The following GTF2A1 variants were observed in gnomAD, a reference collection of about 807,000 sequenced individuals.
GTF2A1 encodes the protein transcription initiation factor IIA subunit 1.
Under a neutral mutation model 54.1 loss-of-function variants are expected in GTF2A1, and 12 were observed. The observed-to-expected ratio is 0.22, with a 90% CI of 0.14 to 0.36. The LOEUF is 0.36. Among genes scored for constraint, GTF2A1 ranks in the 10% least tolerant of loss-of-function variants. The pLI is 1.00. For synonymous variants in GTF2A1, 145 were observed against 152.0 expected (o/e 0.95, Z 0.34); for missense variants, 335 against 442.2 (o/e 0.76, Z 2.17).
intron 8 of GTF2A1, among the ~76,000 whole-genome samples, chr14:81,182,755 AGAGTAAG>A (rs1159693619): frequency 3.9e-5 from 6 of 152,224 alleles, no homozygotes; most frequent in Non-Finnish European, 8.8e-5. Context: ...GATTCACTTA[AGAGTAAG>A]AGCCATGTCC....
At chr14:81,216,537 T>C in intron 1 of GTF2A1, 23 bp from the exon 2 acceptor site, 1 of 1,087,228 alleles carries the variant, frequency 9.2e-7, no homozygotes. Context: ...AATAAAAGAC[T>C]TGAAAAAGAC....
chr14:81,218,354 C>T (rs1893533055), intron 1 of GTF2A1, among the ~76,000 whole-genome samples: 1 of 152,160 alleles, frequency 6.6e-6, no homozygotes, highest in Admixed American at 6.5e-5. Context: ...GAACTCACAA[C>T]TTGACCACTT....
chr14:81,201,744 C>CT, intron 3 of GTF2A1, 86 bp from the exon 4 acceptor site: 5 of 881,980 alleles, frequency 5.7e-6, no homozygotes, highest in Non-Finnish European at 9.4e-6. Flanking sequence ...ATGATGAAAA[C>CT]TTTTTTCATG....
In GTF2A1 at chr14:81,201,541, A is replaced by C. The variant is rs994871180; in HGVS notation, c.402+53T>G. 5 of 1,037,230 alleles carry C rather than the reference A, an allele frequency of 4.8e-6. No homozygotes were observed. The Admixed American group carries it at 5.3e-5, about 11-fold the overall frequency. 64.3% of individuals were successfully genotyped at this position (1,037,230 alleles called of 1,614,324 possible). A position where few individuals can be genotyped will look rare whatever the true frequency, so the allele number is the denominator to read the frequency against. Reference sequence around the variant, plus strand: ...TAGGACATATATAGGCATAATTACAATGTGGGTTAGAATTAAGTACAGCCA... The same window carrying C: ...TAGGACATATATAGGCATAATTACACTGTGGGTTAGAATTAAGTACAGCCA... On this transcript the variant is annotated intron_variant, in intron 4 of 8. Transcript: ENST00000553612.
intron 3 of GTF2A1, 115 bp from the exon 4 acceptor site, chr14:81,201,773 C>T: frequency 2.9e-6 from 2 of 698,980 alleles, no homozygotes; most frequent in Non-Finnish European, 5.1e-6. Flanking sequence ...GTTTTCTGCA[C>T]TCAAATGCTT....
intron 2 of GTF2A1, 110 bp from the exon 3 acceptor site, chr14:81,204,214 A>G (rs8006015): frequency 0.11 from 88,228 of 825,280 alleles, 5,434 homozygotes; most frequent in African/African-American, 0.2. Flanking sequence ...AAACTGATAC[A>G]GACACAGAAA....
intron 5 of GTF2A1, 180 bp downstream of exon 5, chr14:81,197,229 C>T: frequency 1.9e-6 from 1 of 515,774 alleles, no homozygotes; most frequent in Non-Finnish European, 3.6e-6. Flanking sequence ...TTTACTGTAT[C>T]CTCAACAACG....
intron 3 of GTF2A1, chr14:81,202,907 T>C: frequency 2.4e-6 from 1 of 409,592 alleles, no homozygotes; most frequent in Non-Finnish European, 4.8e-6. Context: ...TACCACTAGA[T>C]ATCAACAGTA....
intron 2 of GTF2A1, among the ~76,000 whole-genome samples, chr14:81,205,556 A>G (rs1893210840): frequency 2.0e-5 from 3 of 152,160 alleles, no homozygotes; most frequent in Admixed American, 2.0e-4. Context: ...ATCAAAATAT[A>G]TTATTATTGG....
intron 7 of GTF2A1, among the ~76,000 whole-genome samples, chr14:81,187,679 A>T (rs922094028): frequency 6.6e-6 from 1 of 152,254 alleles, no homozygotes; most frequent in Admixed American, 6.5e-5. Context: ...GTTGTAGCAT[A>T]TACGAATACT....
At chr14:81,191,682 A>C (rs1429260374) in intron 7 of GTF2A1, among the ~76,000 whole-genome samples, 1 of 152,194 alleles carries the variant, frequency 6.6e-6, no homozygotes, top group Admixed American at 6.5e-5. Flanking sequence ...AGGTACTTTG[A>C]TGGCCTAGGA....
chr14:81,201,639 A>G lies in GTF2A1; in HGVS notation c.357T>C (p.Ile119=). ...ASQQATAPQV[I]VPDSKLIQHM... ...GCTGTATCAACTTAGAATCTGGAACAATAACTTGTGGTGCTGTGGCTACAA... is the reference window on the plus strand; with the variant it reads ...GCTGTATCAACTTAGAATCTGGAACGATAACTTGTGGTGCTGTGGCTACAA... Residue 119 remains isoleucine (I), a synonymous_variant, in exon 4 of 9, where the codon ATT becomes ATC. Coordinates refer to ENST00000553612, the MANE Select transcript of GTF2A1 (RefSeq NM_015859.4). The G allele has an allele frequency of 2.5e-6, 4 of 1,610,868 alleles. No homozygotes were observed. Among genetic ancestry groups the G allele is most frequent in the Non-Finnish European group, 3.4e-6 (4 of 1,177,068 alleles).
intron 4 of GTF2A1, among the ~76,000 whole-genome samples, chr14:81,200,842 A>C (rs1245095738): frequency 6.7e-6 from 1 of 149,890 alleles, no homozygotes; most frequent in Non-Finnish European, 1.5e-5. Context: ...TTTATAAGGA[A>C]GTATTGAACT....
At chr14:81,190,545 G>C (rs909767408) in intron 7 of GTF2A1, among the ~76,000 whole-genome samples, 2 of 151,976 alleles carry the variant, frequency 1.3e-5, no homozygotes, top group Admixed American at 1.3e-4. Flanking sequence ...CATTACGTGA[G>C]AAATTATACA....
intron 1 of GTF2A1, among the ~76,000 whole-genome samples, chr14:81,218,801 T>C (rs1431811367): frequency 1.3e-5 from 2 of 150,726 alleles, no homozygotes; most frequent in African/African-American, 4.9e-5. Context: ...CTTAGATTTT[T>C]TTTTAATCTA....
Position 81,176,000 on chromosome 14 carries a change from T to C in GTF2A1, c.*4223A>G, listed in dbSNP as rs1417283107. On this transcript the variant is annotated 3_prime_UTR_variant, in exon 9 of 9. Coordinates refer to ENST00000553612, the MANE Select transcript of GTF2A1 (RefSeq NM_015859.4). ...AAATTGACATCTCAATCTACTTATC[T>C]TTAAGGTACAGAATTTAGCATCTTT... 6.6e-6 allele frequency: 1 copy of C among 152,178 alleles called. No homozygotes were observed. Among genetic ancestry groups the C allele is most frequent in the Non-Finnish European group, 1.5e-5 (1 of 67,994 alleles). The allele number at this position is 152,178 out of a possible 1,614,324, so 9.4% of individuals were successfully genotyped here.
chr14:81,207,747 C>T (rs531743405), intron 2 of GTF2A1, among the ~76,000 whole-genome samples: 5 of 152,204 alleles, frequency 3.3e-5, no homozygotes, highest in East Asian at 3.9e-4. Context: ...TCTCAGATGG[C>T]GATGAGGAAC....
intron 2 of GTF2A1, 156 bp from the exon 3 acceptor site, chr14:81,204,260 A>G (rs761626574): frequency 1.4e-5 from 11 of 767,800 alleles, no homozygotes; most frequent in Admixed American, 7.1e-5. Context: ...AAGTGAAACA[A>G]TAACAAAAAC....
chr14:81,192,323 T>C (rs1418943136), intron 7 of GTF2A1, among the ~76,000 whole-genome samples, 196 bp downstream of exon 7: 1 of 152,242 alleles, frequency 6.6e-6, no homozygotes, highest in Non-Finnish European at 1.5e-5. Context: ...ATGAAAGTTA[T>C]ATTTTATGAA....
Sources: allele counts gnomAD v4.1 joint callset (sites outside exome capture counted in the v4.1 genomes callset), GRCh38; gene constraint gnomAD v4.1.1; transcripts MANE v1.5; gene names NCBI Gene and HGNC (gene_info 2026-07-23, HGNC 2026-07-21).